EPS8: variants seen among roughly 807,000 people sequenced by gnomAD.
EPS8 encodes epidermal growth factor receptor kinase substrate 8.
EPS8 carries 42 observed loss-of-function variants against 103.8 expected under a neutral mutation model. The observed-to-expected ratio is 0.40, with a 90% CI of 0.32 to 0.52. EPS8 has a LOEUF of 0.52. Ranked by LOEUF, EPS8 falls within the 20% of genes least tolerant of loss-of-function variation. The pLI is 0.40. For missense variants in EPS8, 969 were observed against 1,005.1 expected (o/e 0.96, Z 0.49); for synonymous variants, 344 against 344.6 (o/e 1.00, Z 0.02).
chr12:15,693,361 C>T lies in EPS8; in HGVS notation c.-21-10389G>A, dbSNP rs959882197. ...ACCTTGGTATCCCCAACCGAGTTCT[C>T]TAGTTCACATTCTCCACAGAATAAA... On this transcript the variant is annotated intron_variant, in intron 1 of 20. Transcript: ENST00000281172. This position sits in a 1 kb window ranked among gnomAD's most constrained non-coding sequence, Gnocchi z 5.6. Among the ~76,000 whole-genome samples, 16 of 152,204 alleles carry T rather than the reference C, an allele frequency of 1.1e-4. No individual in the cohort carries two copies. Among genetic ancestry groups the T allele is most frequent in the Non-Finnish European group, 2.2e-4 (15 of 68,034 alleles).
intron 8 of EPS8, 96 bp downstream of exon 8, chr12:15,665,660 G>C: frequency 6.9e-7 from 1 of 1,451,996 alleles, no homozygotes. Context: ...CTAACCTCAA[G>C]CTTCAGTTCT....
rs573994105 is a variant in EPS8, at chr12:15,757,545, G to T, written c.-22+31616C>A. ...CTCAGGAGGCTGAGGCAGGAGAATC[G>T]CTTGAACCCAGGAGCCAGAAGTTGC... On this transcript the variant is annotated intron_variant, in intron 1 of 20. Transcript: ENST00000281172. This position sits in a 1 kb window ranked among gnomAD's most constrained non-coding sequence, Gnocchi z 4.1. Among the ~76,000 whole-genome samples, 1 of 151,992 alleles carries T rather than the reference G, an allele frequency of 6.6e-6. No homozygotes were observed. Among genetic ancestry groups the T allele is most frequent in the Non-Finnish European group, 1.5e-5 (1 of 68,012 alleles).
chr12:15,747,383 A>T lies in EPS8; in HGVS notation c.-22+41778T>A, dbSNP rs2136014190. Among the ~76,000 whole-genome samples, 1 of 152,298 alleles carries T rather than the reference A, an allele frequency of 6.6e-6. No homozygotes were observed. The highest frequency in any genetic ancestry group is 2.1e-4 in the South Asian group (1 of 4,826). ...AGTGCTTAATCTTAGTACATTAACA[A>T]ACTTACTCCATTTCCTAGAAACCCA... On this transcript the variant is annotated intron_variant, in intron 1 of 20. Transcript: ENST00000281172. The surrounding 1 kb of genome is among the most constrained non-coding windows in gnomAD (Gnocchi z 4.4).
intron 1 of EPS8, among the ~76,000 whole-genome samples, chr12:15,722,722 C>T (rs1946610491): frequency 6.6e-6 from 1 of 152,176 alleles, no homozygotes; most frequent in African/African-American, 2.4e-5. Flanking sequence ...GACTTGCTCT[C>T]TGCTTCAAAG....
intron 3 of EPS8, among the ~76,000 whole-genome samples, chr12:15,676,389 C>T (rs1260012251): frequency 2.0e-5 from 3 of 149,866 alleles, no homozygotes; most frequent in East Asian, 4.0e-4. Flanking sequence ...CGTGTTATAA[C>T]AACATGGAAA....
intron 14 of EPS8, among the ~76,000 whole-genome samples, 172 bp from the exon 15 acceptor site, chr12:15,647,432 A>T (rs936962812): frequency 6.6e-6 from 1 of 152,208 alleles, no homozygotes; most frequent in East Asian, 1.9e-4. Context: ...TCAAATACTT[A>T]CTTATAATAA....
intron 13 of EPS8, 90 bp from the exon 14 acceptor site, chr12:15,651,096 G>GCACA: frequency 1.0e-6 from 1 of 960,672 alleles, no homozygotes; most frequent in Non-Finnish European, 1.6e-6. Context: ...ACATACACAC[G>GCACA]CACACACACA....
In EPS8 at chr12:15,702,201, C is replaced by T. The variant is rs1946319621; in HGVS notation, c.-21-19229G>A. Among the ~76,000 whole-genome samples, 1 of 152,136 alleles carries T rather than the reference C, an allele frequency of 6.6e-6. No homozygotes were observed. The highest frequency in any genetic ancestry group is 2.4e-5 in the African/African-American group (1 of 41,418). On this transcript the variant is annotated intron_variant, in intron 1 of 20. Coordinates refer to ENST00000281172, the MANE Select transcript of EPS8 (RefSeq NM_004447.6). This position sits in a 1 kb window ranked among gnomAD's most constrained non-coding sequence, Gnocchi z 5.1. ...AGCCTAAGGAAACAGAATATATTCC[C>T]CCTGTTAACACCACTCTGGAGATGC...
At position 15,751,326 on chromosome 12, in the gene EPS8, C is replaced by T. The variant is rs1457168298; in HGVS notation, c.-22+37835G>A. On this transcript the variant is annotated intron_variant, in intron 1 of 20. Transcript: ENST00000281172. The surrounding 1 kb of genome is among the most constrained non-coding windows in gnomAD (Gnocchi z 4.3). ...TGAGCTGAGATCACGCCACTGCACT[C>T]CAGCCTGGGCGACAGAGTGAGACTC... 6.6e-6 allele frequency among the ~76,000 whole-genome samples: 1 copy of T among 152,124 alleles called. No individual in the cohort carries two copies. Among genetic ancestry groups the T allele is most frequent in the Admixed American group, 6.5e-5 (1 of 15,280 alleles).
chr12:15,780,481 A>ACACACACACACAC lies in EPS8; in HGVS notation c.-22+8679_-22+8680insGTGTGTGTGTGTG, dbSNP rs1947249335. The ACACACACACACAC allele has an allele frequency of 1.7e-5, 2 of 117,548 alleles. No individual in the cohort carries two copies. The highest frequency in any genetic ancestry group is 7.1e-4 in the South Asian group (2 of 2,822). The allele number at this position is 117,548 out of a possible 1,614,324, so 7.3% of individuals were successfully genotyped here. A position where few individuals can be genotyped will look rare whatever the true frequency, so the allele number is the denominator to read the frequency against. Reference sequence around the variant, plus strand: ...CTCCTTTCTGCTATGTGCTGGGATAAACACACACACACACACACACACACA... The same window carrying ACACACACACACAC: ...CTCCTTTCTGCTATGTGCTGGGATAACACACACACACACACACACACACACACACACACACACA... On this transcript the variant is annotated intron_variant, in intron 1 of 20. Coordinates refer to ENST00000281172, the MANE Select transcript of EPS8 (RefSeq NM_004447.6). This position sits in a 1 kb window ranked among gnomAD's most constrained non-coding sequence, Gnocchi z 4.1.
intron 13 of EPS8, among the ~76,000 whole-genome samples, chr12:15,653,415 T>G (rs1026185122): frequency 6.6e-6 from 1 of 151,966 alleles, no homozygotes; most frequent in Admixed American, 6.6e-5. Context: ...CATCTCTATA[T>G]GCTCATTTTA....
chr12:15,678,307 T>C (rs1474821028), intron 3 of EPS8, among the ~76,000 whole-genome samples: 3 of 152,180 alleles, frequency 2.0e-5, no homozygotes, highest in Admixed American at 2.0e-4. Context: ...GAAGGTACTG[T>C]GTGTATGTCT....
intron 3 of EPS8, among the ~76,000 whole-genome samples, chr12:15,674,787 T>A (rs140531567): frequency 6.6e-6 from 1 of 152,072 alleles, no homozygotes; most frequent in Non-Finnish European, 1.5e-5. Context: ...CTCAATTTCC[T>A]GATACTATTT....
rs1946155949 is a variant in EPS8 at position 15,690,454 on chromosome 12, T to C, written c.-21-7482A>G. ...CCCAAACTACTTCTCATATATTTTA[T>C]TGATAGTCACTATTTCTTATCTCAA... is the stretch of plus-strand genomic sequence containing the variant. On this transcript the variant is annotated intron_variant, in intron 1 of 20. Coordinates refer to ENST00000281172, the MANE Select transcript of EPS8 (RefSeq NM_004447.6). The surrounding 1 kb of genome is among the most constrained non-coding windows in gnomAD (Gnocchi z 4.7). Among the ~76,000 whole-genome samples the C allele has an allele frequency of 6.6e-6, 1 of 152,104 alleles. No homozygotes were observed. The highest frequency in any genetic ancestry group is 1.5e-5 in the Non-Finnish European group (1 of 68,010).
chr12:15,712,099 AT>A (rs1946473368), intron 1 of EPS8, among the ~76,000 whole-genome samples: 1 of 152,204 alleles, frequency 6.6e-6, no homozygotes, highest in Non-Finnish European at 1.5e-5. Flanking sequence ...TATATTATGA[AT>A]TACATGTTTG....
intron 17 of EPS8, among the ~76,000 whole-genome samples, chr12:15,637,089 C>T (rs879652056): frequency 3.9e-5 from 6 of 152,228 alleles, no homozygotes; most frequent in South Asian, 2.1e-4. Context: ...GGCACAATCT[C>T]GGCTCACCGC....
chr12:15,715,509 C>T (rs867479965), intron 1 of EPS8, among the ~76,000 whole-genome samples: 2 of 151,522 alleles, frequency 1.3e-5, no homozygotes, highest in Non-Finnish European at 1.5e-5. Context: ...ATTCTCCTCC[C>T]GAATAGCTGG....
intron 3 of EPS8, among the ~76,000 whole-genome samples, chr12:15,679,907 A>G (rs1945975007): frequency 6.6e-6 from 1 of 152,168 alleles, no homozygotes; most frequent in South Asian, 2.1e-4. Context: ...ATTCTTATCC[A>G]AAAAATCTTT....
At chr12:15,662,696 G>C (rs908587070) in intron 8 of EPS8, 3 of 956,356 alleles carry the variant, frequency 3.1e-6, no homozygotes, top group South Asian at 5.1e-5. Context: ...GGGTATTAAG[G>C]TTGCTCAGTT....
Sources: allele counts gnomAD v4.1 joint callset (sites outside exome capture counted in the v4.1 genomes callset), GRCh38; gene constraint gnomAD v4.1.1; non-coding constraint Gnocchi (gnomAD v3.1); transcripts MANE v1.5; gene names NCBI Gene and HGNC (gene_info 2026-07-23, HGNC 2026-07-21).